PDE4D: variants seen among roughly 807,000 people sequenced by gnomAD.
The protein encoded by PDE4D is 3',5'-cyclic-AMP phosphodiesterase 4D.
Under a neutral mutation model 87.4 loss-of-function variants are expected in PDE4D, and 24 were observed. That is an observed-to-expected ratio of 0.27 (90% CI 0.20 to 0.39). The LOEUF (loss-of-function observed/expected upper bound fraction) is 0.39. Among genes scored for constraint, PDE4D ranks in the 10% least tolerant of loss-of-function variants. The probability of loss-of-function intolerance (pLI) is 1.00; values close to 1 mark genes in which losing one functional copy is unlikely to be tolerated. For synonymous variants in PDE4D, 384 were observed against 383.2 expected, an observed-to-expected ratio of 1.00 and a Z score of -0.02; for missense variants, 714 against 1,041.0, an observed-to-expected ratio of 0.69 and a Z score of 4.32.
intron 1 of PDE4D, chr5:59,558,637 T>A (rs919590714): frequency 2.0e-5 from 3 of 152,048 alleles, no homozygotes; most frequent in African/African-American, 7.2e-5. Flanking sequence ...AAGAGAAAAC[T>A]GAAGGTGTTA....
At position 59,914,721 on chromosome 5, in the gene PDE4D, G is replaced by A. The variant is rs141662006; in HGVS notation, c.272+73767C>T. On this transcript the variant is annotated intron_variant, in intron 3 of 16. Coordinates refer to the PDE4D transcript ENST00000502484. ...TCTGGCTGCCATGTTGAAAACAGAC[G>A]GTAGAATGGCAAGTGTGGAGATACA... Among the ~76,000 whole-genome samples, 7 of 152,070 alleles carry A rather than the reference G, an allele frequency of 4.6e-5. No homozygotes were observed. In the East Asian group the frequency reaches 9.7e-4, roughly 21 times the overall value.
intron 1 of PDE4D, among the ~76,000 whole-genome samples, chr5:59,688,596 A>G (rs1254852506): frequency 6.6e-6 from 1 of 152,204 alleles, no homozygotes; most frequent in Non-Finnish European, 1.5e-5. Flanking sequence ...TTATAGCACT[A>G]AATTCCCACA....
intron 2 of PDE4D, among the ~76,000 whole-genome samples, chr5:60,119,578 T>C (rs375402777): frequency 1.7e-4 from 26 of 152,358 alleles, no homozygotes; most frequent in African/African-American, 6.3e-4. Context: ...TTGGATAAGT[T>C]ACTTAATCCC....
intron 1 of PDE4D, among the ~76,000 whole-genome samples, chr5:59,813,054 A>T (rs1768548069): frequency 6.6e-6 from 1 of 152,050 alleles, no homozygotes; most frequent in Non-Finnish European, 1.5e-5. Context: ...ATTTTTTCTC[A>T]TTTGTTTCTA....
intron 1 of PDE4D, among the ~76,000 whole-genome samples, chr5:59,351,780 T>G (rs2153587245): frequency 6.6e-6 from 1 of 152,316 alleles, no homozygotes; most frequent in East Asian, 1.9e-4. Flanking sequence ...TAGATATTAT[T>G]TAACAAGTTT....
intron 2 of PDE4D, among the ~76,000 whole-genome samples, chr5:60,064,542 C>T (rs1474307150): frequency 6.6e-6 from 1 of 152,030 alleles, no homozygotes; most frequent in Non-Finnish European, 1.5e-5. Flanking sequence ...TATTTTGCAC[C>T]CTTCCACTTA....
chr5:60,119,155 C>T (rs1037710677), intron 2 of PDE4D, among the ~76,000 whole-genome samples: 2 of 152,196 alleles, frequency 1.3e-5, no homozygotes, highest in Admixed American at 6.5e-5. Context: ...TTTCATCCAT[C>T]ATTTTAGCCT....
At chr5:59,211,325 A>G (rs1269470375) in intron 2 of PDE4D, among the ~76,000 whole-genome samples, 5 of 152,160 alleles carry the variant, frequency 3.3e-5, no homozygotes, top group Non-Finnish European at 5.9e-5. Flanking sequence ...CTTCTGCCTT[A>G]TATGAGCTAA....
rs34248179 is a variant in PDE4D at position 59,062,703 on chromosome 5, G to GTTTT, written c.809-23736_809-23733dup. ...TGTTTACAATGAGTGAATGCATGTG[G>GTTTT]TTTTTTTTTTTTTTTTGCACTACCC... On this transcript the variant is annotated intron_variant, in intron 5 of 14. Coordinates refer to ENST00000340635, the MANE Select transcript of PDE4D (RefSeq NM_001104631.2). Among the ~76,000 whole-genome samples, 374 of 137,688 alleles carry GTTTT rather than the reference G, an allele frequency of 2.7e-3. 4 individuals carry two copies. Among genetic ancestry groups the GTTTT allele is most frequent in the Non-Finnish European group, 4.3e-3 (279 of 64,438 alleles). 90.3% of individuals were successfully genotyped at this position (137,688 alleles called of 152,430 possible).
At chr5:59,939,271 T>C (rs1309858116) in intron 3 of PDE4D, among the ~76,000 whole-genome samples, 2 of 152,194 alleles carry the variant, frequency 1.3e-5, no homozygotes, top group Non-Finnish European at 2.9e-5. Context: ...ACCTAACTTA[T>C]TCTAACTAAA....
intron 3 of PDE4D, among the ~76,000 whole-genome samples, chr5:59,919,696 G>C (rs949113152): frequency 6.6e-6 from 1 of 152,164 alleles, no homozygotes; most frequent in Non-Finnish European, 1.5e-5. Flanking sequence ...TTGTGGGAAA[G>C]ACCCTCCCTA....
At chr5:59,432,609 TA>T (rs1796263877) in intron 1 of PDE4D, among the ~76,000 whole-genome samples, 1 of 152,156 alleles carries the variant, frequency 6.6e-6, no homozygotes, top group African/African-American at 2.4e-5. Flanking sequence ...TATTCAAGTT[TA>T]TTTCTTTATA....
intron 2 of PDE4D, among the ~76,000 whole-genome samples, chr5:60,015,544 C>G (rs1765422716): frequency 6.6e-6 from 1 of 152,174 alleles, no homozygotes; most frequent in Non-Finnish European, 1.5e-5. Context: ...AGACACTACA[C>G]AGAGAGTATG....
At chr5:59,619,709 A>G (rs1830119928) in intron 1 of PDE4D, among the ~76,000 whole-genome samples, 1 of 152,116 alleles carries the variant, frequency 6.6e-6, no homozygotes, top group African/African-American at 2.4e-5. Flanking sequence ...GGAGGAATAG[A>G]CTGTTTTATG....
intron 1 of PDE4D, among the ~76,000 whole-genome samples, chr5:60,438,853 T>G (rs1263190739): frequency 6.6e-6 from 1 of 152,080 alleles, no homozygotes; most frequent in Admixed American, 6.6e-5. Context: ...CCTGTGTTGG[T>G]AGGGTGGTAA....
intron 5 of PDE4D, among the ~76,000 whole-genome samples, chr5:59,174,734 C>T (rs183056648): frequency 3.2e-4 from 48 of 152,178 alleles, no homozygotes; most frequent in Non-Finnish European, 5.7e-4. Context: ...GTATAAAGGC[C>T]ACCCGAATCT....
chr5:59,911,075 A>G (rs1753388628), intron 3 of PDE4D, among the ~76,000 whole-genome samples: 1 of 152,250 alleles, frequency 6.6e-6, no homozygotes, highest in South Asian at 2.1e-4. Flanking sequence ...AATTTAGTTT[A>G]TAGTTTAACT....
intron 1 of PDE4D, among the ~76,000 whole-genome samples, chr5:59,244,849 G>A (rs1200279972): frequency 1.3e-5 from 2 of 150,418 alleles, no homozygotes; most frequent in Non-Finnish European, 3.0e-5. Flanking sequence ...TGCTTTAAAG[G>A]TTTATTCAGG....
chr5:59,022,758 A>C (rs1034577720), intron 6 of PDE4D, among the ~76,000 whole-genome samples: 1 of 152,230 alleles, frequency 6.6e-6, no homozygotes, highest in Non-Finnish European at 1.5e-5. Context: ...AGAACAAAAA[A>C]GGCAAAACGA....
Sources: gnomAD v4.1 joint callset for allele counts (sites outside exome capture counted in the v4.1 genomes callset) on GRCh38, gnomAD v4.1.1 for gene constraint, MANE v1.5 for transcripts, NCBI Gene and HGNC (gene_info 2026-07-23, HGNC 2026-07-21) for gene names.